ABCC1: variants seen among roughly 807,000 people sequenced by gnomAD.
ABCC1 encodes the protein multidrug resistance-associated protein 1.
In ABCC1, 83 loss-of-function variants were observed where a neutral mutation model predicts 172.9. The observed-to-expected ratio is 0.48, with a 90% CI of 0.40 to 0.58. The LOEUF is 0.58. Ranked by LOEUF, ABCC1 falls within the 20% of genes least tolerant of loss-of-function variation. The pLI, the probability that ABCC1 is intolerant of heterozygous loss-of-function variation, is 0.00. For synonymous variants in ABCC1, 937 were observed against 825.2 expected (o/e 1.14, Z -2.32); for missense variants, 1,817 against 2,002.7 (o/e 0.91, Z 1.77).
intron 16 of ABCC1, among the ~76,000 whole-genome samples, 166 bp downstream of exon 16, chr16:16,079,644 C>G (rs1438497810): frequency 6.6e-6 from 1 of 152,122 alleles, no homozygotes; most frequent in African/African-American, 2.4e-5. Flanking sequence ...CTCTCTCGTT[C>G]TTTCTGTTCT....
In ABCC1 at chr16:16,132,289, G is replaced by A. The variant is rs1178192950; in HGVS notation, c.3966+354G>A. Among the ~76,000 whole-genome samples the A allele has an allele frequency of 4.6e-5, 7 of 151,982 alleles. No individual in the cohort carries two copies. The East Asian group carries it at 9.7e-4, about 21-fold the overall frequency. The stretch of plus-strand genomic sequence containing the variant: ...ACTGCAGCGGCAGCCTCCCAAGTGG[G>A]GGGACTACACATGGTTGGGAGTGCA... On this transcript the variant is annotated intron_variant, in intron 27 of 30. Transcript: ENST00000399410.
At chr16:15,973,996 T>A (rs997784957) in intron 1 of ABCC1, among the ~76,000 whole-genome samples, 4 of 151,944 alleles carry the variant, frequency 2.6e-5, no homozygotes, top group Non-Finnish European at 4.4e-5. Flanking sequence ...AAAAAAAGAA[T>A]GTGCATATGA....
intron 1 of ABCC1, among the ~76,000 whole-genome samples, chr16:15,980,257 C>CAAGAG (rs1417677714): frequency 6.6e-6 from 1 of 152,090 alleles, no homozygotes; most frequent in Non-Finnish European, 1.5e-5. Context: ...GTAATCTCAG[C>CAAGAG]ACTTTGAGAG....
chr16:16,031,441 G>T (rs547298900), intron 5 of ABCC1, among the ~76,000 whole-genome samples: 1 of 152,236 alleles, frequency 6.6e-6, no homozygotes, highest in South Asian at 2.1e-4. Context: ...TGTTGACTTG[G>T]GGCTCATCTT....
intron 1 of ABCC1, among the ~76,000 whole-genome samples, chr16:15,974,901 C>A (rs966379001): frequency 6.6e-6 from 1 of 152,182 alleles, no homozygotes; most frequent in African/African-American, 2.4e-5. Flanking sequence ...ATCCTCCCAT[C>A]TCAGCCTCCA....
At chr16:16,036,194 A>G (rs746953900) in intron 6 of ABCC1, among the ~76,000 whole-genome samples, 30 of 151,730 alleles carry the variant, frequency 2.0e-4, no homozygotes, top group East Asian at 7.8e-4. Context: ...CTCCTAAATC[A>G]TCTTTTTTTC....
intron 20 of ABCC1, among the ~76,000 whole-genome samples, chr16:16,104,599 G>A (rs1268818087): frequency 6.6e-6 from 1 of 152,220 alleles, no homozygotes; most frequent in Non-Finnish European, 1.5e-5. Context: ...GAGCCCAGCT[G>A]GCTTCACCAG....
At chr16:16,074,309 T>A (rs1203910054) in intron 14 of ABCC1, among the ~76,000 whole-genome samples, 2 of 152,308 alleles carry the variant, frequency 1.3e-5, no homozygotes, top group East Asian at 3.9e-4. Flanking sequence ...AAGTGGATGC[T>A]GGACTCTTCC....
chr16:16,100,506 G>C (rs2051684461), intron 19 of ABCC1, among the ~76,000 whole-genome samples: 1 of 152,200 alleles, frequency 6.6e-6, no homozygotes, highest in Non-Finnish European at 1.5e-5. Context: ...CAGGCTGCAT[G>C]GGAAGTCCTG....
Position 16,122,156 on chromosome 16 carries a change from C to T in ABCC1, c.3572C>T (p.Pro1191Leu). The part of the protein sequence containing the change: ...KVDENQKAYY[P>L]SIVANRWLAV... Reference sequence around the variant, plus strand: ...GACGAGAACCAGAAGGCCTATTACCCCAGCATCGTGGCCAACAGGTGGGCA... The same window carrying T: ...GACGAGAACCAGAAGGCCTATTACCTCAGCATCGTGGCCAACAGGTGGGCA... Residue 1191 changes from proline to leucine, a missense_variant, in exon 24 of 31, where the codon CCC becomes CTC. Transcript: ENST00000399410. 4.3e-6 allele frequency: 7 copies of T among 1,614,192 alleles called. No individual in the cohort carries two copies. Among genetic ancestry groups the T allele is most frequent in the Non-Finnish European group, 5.9e-6 (7 of 1,180,036 alleles).
chr16:16,022,634 T>G (rs1198368722), intron 5 of ABCC1, among the ~76,000 whole-genome samples: 3 of 152,114 alleles, frequency 2.0e-5, no homozygotes, highest in Non-Finnish European at 4.4e-5. Flanking sequence ...TCCAGGTGGT[T>G]CAGGGTTGCA....
At chr16:16,046,183 C>A (rs557647761) in intron 9 of ABCC1, among the ~76,000 whole-genome samples, 170 bp downstream of exon 9, 1 of 152,082 alleles carries the variant, frequency 6.6e-6, no homozygotes, top group African/African-American at 2.4e-5. Flanking sequence ...AGGCATTGTA[C>A]GTTAGGAAAG....
intron 1 of ABCC1, among the ~76,000 whole-genome samples, chr16:15,996,172 AG>A (rs1434608211): frequency 1.3e-5 from 2 of 151,324 alleles, no homozygotes; most frequent in African/African-American, 4.9e-5. Context: ...TTTAGTAGAG[AG>A]AGGGTTTCAC....
chr16:16,001,700 A>G (rs1309373723), intron 1 of ABCC1, among the ~76,000 whole-genome samples: 1 of 152,216 alleles, frequency 6.6e-6, no homozygotes, highest in Non-Finnish European at 1.5e-5. Context: ...AGGAACTTAA[A>G]CTACACAGAG....
chr16:16,077,766 G>A (rs2050636792), intron 15 of ABCC1, among the ~76,000 whole-genome samples: 1 of 152,184 alleles, frequency 6.6e-6, no homozygotes, highest in Non-Finnish European at 1.5e-5. Context: ...AAAAAGCACA[G>A]AATCCCAGCA....
intron 10 of ABCC1, among the ~76,000 whole-genome samples, chr16:16,048,924 G>A (rs187689992): frequency 2.0e-5 from 3 of 151,940 alleles, no homozygotes; most frequent in East Asian, 1.9e-4. Context: ...CGGAGGTTGC[G>A]GTGAGCCGAG....
At chr16:15,955,776 T>G (rs4781699) in intron 1 of ABCC1, among the ~76,000 whole-genome samples, 99,830 of 151,950 alleles carry the variant, frequency 0.66, 33,124 homozygotes, top group South Asian at 0.75. Flanking sequence ...ATATTTTGCT[T>G]AAGTATTGTG....
At chr16:16,113,328 A>G (rs2044704364) in intron 22 of ABCC1, among the ~76,000 whole-genome samples, 2 of 152,176 alleles carry the variant, frequency 1.3e-5, no homozygotes, top group Non-Finnish European at 2.9e-5. Flanking sequence ...CGGTAGTCAC[A>G]AGACACAGGT....
At chr16:16,128,821 T>C (rs8055122) in intron 26 of ABCC1, among the ~76,000 whole-genome samples, 2,033 of 152,064 alleles carry the variant, frequency 0.013, 42 homozygotes, top group African/African-American at 0.046. Flanking sequence ...CAACGGTGAA[T>C]CCCGTCTCTA....
Sources: allele counts gnomAD v4.1 joint callset (sites outside exome capture counted in the v4.1 genomes callset), GRCh38; gene constraint gnomAD v4.1.1; transcripts MANE v1.5; gene names NCBI Gene and HGNC (gene_info 2026-07-23, HGNC 2026-07-21).